Variants in LIG1 observed in about 807,000 individuals in gnomAD.
The protein encoded by LIG1 is DNA ligase 1.
A neutral mutation model predicts 115.7 loss-of-function variants in LIG1; 70 were observed. The observed-to-expected ratio is 0.60, with a 90% CI of 0.50 to 0.74. The LOEUF (loss-of-function observed/expected upper bound fraction) is 0.74, where lower values mean the gene tolerates loss of function less well. Among genes scored for constraint, LIG1 ranks in the 30% least tolerant of loss-of-function variants. The probability of loss-of-function intolerance (pLI) is 0.00; values close to 1 mark genes in which losing one functional copy is unlikely to be tolerated. For missense variants in LIG1, 1,115 were observed against 1,225.6 expected, an observed-to-expected ratio of 0.91 and a Z score of 1.35; for synonymous variants, 487 against 495.3, an observed-to-expected ratio of 0.98 and a Z score of 0.22.
At chr19:48,149,240 T>C (rs2035318943) in intron 9 of LIG1, among the ~76,000 whole-genome samples, 1 of 152,124 alleles carries the variant, frequency 6.6e-6, no homozygotes, top group South Asian at 2.1e-4. Flanking sequence ...GAGGCTGTGG[T>C]GAGCTGAGAC....
rs770405693 is a variant in LIG1, at chr19:48,131,152, C to T, written c.1745G>A (p.Gly582Glu). Residue 582 changes from glycine (G) to glutamate (E), a missense_variant, in exon 19 of 28, where the codon GGG becomes GAG. Coordinates refer to ENST00000263274, the MANE Select transcript of LIG1 (RefSeq NM_000234.3). ...ATTCCTGCTGAAGATCTTCACCTCC[C>T]CGCCTTCCAGGGCGTGGATCTGTCA... Reference protein sequence around the residue: ...QRAQIHALEGGEVKIFSRNQE... With the variant: ...QRAQIHALEGEEVKIFSRNQE... The T allele has an allele frequency of 1.6e-5, 26 of 1,613,966 alleles. No individual in the cohort carries two copies. The highest frequency in any genetic ancestry group is 2.2e-5 in the East Asian group (1 of 44,874).
chr19:48,143,503 A>AGGGGGGGGGGGGGGGGGGG, intron 11 of LIG1, 40 bp downstream of exon 11: 1 of 692,832 alleles, frequency 1.4e-6, no homozygotes, highest in Non-Finnish European at 2.6e-6. Context: ...CAGACCCAGA[A>AGGGGGGGGGGGGGGGGGGG]GCGACCCCGC....
In LIG1 at chr19:48,135,780, C is replaced by G; in HGVS notation, c.1424-1G>C. ...GCATCCACCATGGCTGGTGGGAATT[C>G]TAAGAAAAGACCCACCAGAGGCTTT... is the stretch of plus-strand genomic sequence containing the variant. On this transcript the variant is annotated splice_acceptor_variant, in intron 15 of 27. Transcript: ENST00000263274. LOFTEE classifies it high-confidence loss of function. 1 of 1,613,152 alleles carries G rather than the reference C, an allele frequency of 6.2e-7. No individual in the cohort carries two copies. Among genetic ancestry groups the G allele is most frequent in the Non-Finnish European group, 8.5e-7 (1 of 1,179,098 alleles).
rs1354900304 is a variant in LIG1, at chr19:48,135,545, C to CA, written c.1523+134dup. 1.8e-4 allele frequency: 144 copies of CA among 780,664 alleles called. 1 individual carries two copies. Among genetic ancestry groups the CA allele is most frequent in the South Asian group, 6.5e-4 (48 of 73,710 alleles). The allele number at this position is 780,664 out of a possible 1,614,324, so 48.4% of individuals were successfully genotyped here. Reference sequence around the variant, plus strand: ...TTGTCTAGATCACCACCTCTGCTCTCAGTCACCCCGTGACCGGCACTCGTG... The same window carrying CA: ...TTGTCTAGATCACCACCTCTGCTCTCAAGTCACCCCGTGACCGGCACTCGTG... On this transcript the variant is annotated intron_variant, in intron 16 of 27. Coordinates refer to ENST00000263274, the MANE Select transcript of LIG1 (RefSeq NM_000234.3).
chr19:48,137,705 G>T lies in LIG1; in HGVS notation c.1088-17C>A. 6.2e-7 allele frequency: 1 copy of T among 1,600,624 alleles called. No homozygotes were observed. The highest frequency in any genetic ancestry group is 8.5e-7 in the Non-Finnish European group (1 of 1,179,522). On this transcript the variant is annotated splice_polypyrimidine_tract_variant and intron_variant, in intron 12 of 27. Transcript: ENST00000263274. This position sits in a 1 kb window ranked among gnomAD's most constrained non-coding sequence, Gnocchi z 4.3. The stretch of plus-strand genomic sequence containing the variant: ...GCTGCCGACCTTCAGGGGAGAGCGC[G>T]GGTGGGGGTGTCGAGGGTGACAGTT...
At chr19:48,145,027 C>T (rs1267425922) in intron 9 of LIG1, among the ~76,000 whole-genome samples, 2 of 152,186 alleles carry the variant, frequency 1.3e-5, no homozygotes, top group Non-Finnish European at 1.5e-5. Flanking sequence ...CCTACCTCAG[C>T]TTCTTGAGTA....
intron 21 of LIG1, among the ~76,000 whole-genome samples, chr19:48,124,109 CCA>C (rs1042443592): frequency 6.6e-6 from 1 of 152,156 alleles, no homozygotes; most frequent in Non-Finnish European, 1.5e-5. Context: ...CGGTCCCCAC[CCA>C]CGCGCAGTGT....
At chr19:48,157,276 G>GAGAA in intron 4 of LIG1, 136 bp from the exon 5 acceptor site, 1 of 963,456 alleles carries the variant, frequency 1.0e-6, no homozygotes. Context: ...CTAACTCAGG[G>GAGAA]GTGGCCTCTT....
chr19:48,142,686 C>CA (rs1475512422), intron 11 of LIG1, among the ~76,000 whole-genome samples: 1 of 152,070 alleles, frequency 6.6e-6, no homozygotes, highest in Non-Finnish European at 1.5e-5. Context: ...CTCTGTCACC[C>CA]AGGCTGGAGT....
intron 19 of LIG1, among the ~76,000 whole-genome samples, chr19:48,129,966 G>T (rs1254006266): frequency 6.6e-6 from 1 of 152,112 alleles, no homozygotes; most frequent in Non-Finnish European, 1.5e-5. Context: ...ATGTCAGCCA[G>T]GCTGGTCTTG....
At position 48,170,238 on chromosome 19, in the gene LIG1, T is replaced by G; in HGVS notation, c.-58+3A>C. ...CCATCTGCTTGCGGACGGCCCCACTTGCCTTGCGTTGGTCCCGCGCGCCGC... is the reference window on the plus strand; with the variant it reads ...CCATCTGCTTGCGGACGGCCCCACTGGCCTTGCGTTGGTCCCGCGCGCCGC... On this transcript the variant is annotated splice_donor_region_variant and intron_variant, in intron 1 of 27. Transcript: ENST00000263274. 2.2e-6 allele frequency: 1 copy of G among 455,340 alleles called. No individual in the cohort carries two copies. The highest frequency in any genetic ancestry group is 4.4e-6 in the Non-Finnish European group (1 of 226,478). The allele number at this position is 455,340 out of a possible 1,614,324, so 28.2% of individuals were successfully genotyped here. A position where few individuals can be genotyped will look rare whatever the true frequency, so the allele number is the denominator to read the frequency against.
intron 21 of LIG1, among the ~76,000 whole-genome samples, chr19:48,126,086 T>C (rs569780546): frequency 6.6e-6 from 1 of 151,824 alleles, no homozygotes; most frequent in African/African-American, 2.4e-5. Context: ...CACACCCCTA[T>C]CCCACTGTTT....
chr19:48,162,399 T>C, intron 2 of LIG1, 48 bp from the exon 3 acceptor site: 1 of 1,290,180 alleles, frequency 7.8e-7, no homozygotes, highest in African/African-American at 1.5e-5. Context: ...ACAGCACCAA[T>C]ACCCTGCCTA....
chr19:48,120,197 C>T (rs1263364758), intron 24 of LIG1: 4 of 985,320 alleles, frequency 4.1e-6, no homozygotes, highest in Non-Finnish European at 3.6e-6. Context: ...ACAACTTCCC[C>T]ACACAGCCAC....
chr19:48,133,083 G>C lies in LIG1; in HGVS notation c.1624C>G (p.Pro542Ala). Residue 542 changes from proline (P) to alanine (A), a missense_variant, in exon 18 of 28, where the codon CCA becomes GCA. By Grantham distance (27) the Pro-to-Ala change is conservative (BLOSUM62 -1). Coordinates refer to ENST00000263274, the MANE Select transcript of LIG1 (RefSeq NM_000234.3). Reference protein sequence around the residue: ...CKLSPGIPLKPMLAHPTRGIS... With the variant: ...CKLSPGIPLKAMLAHPTRGIS... The stretch of plus-strand genomic sequence containing the variant: ...CCCCGGGTGGGATGGGCCAACATTG[G>C]TTTCAGGGGAATCCCTGGGAAAGGA... 1 of 1,612,604 alleles carries C rather than the reference G, an allele frequency of 6.2e-7. No homozygotes were observed. Among genetic ancestry groups the C allele is most frequent in the Non-Finnish European group, 8.5e-7 (1 of 1,178,548 alleles).
In LIG1 at chr19:48,151,350, A is replaced by T; in HGVS notation, c.467-11T>A. ...TCGGGGTCTCCTCTTCTGACGATAG[A>T]CAGAACGGTCAGATGGCAAAAAAAT... On this transcript the variant is annotated splice_polypyrimidine_tract_variant and intron_variant, in intron 6 of 27. Transcript: ENST00000263274. The T allele has an allele frequency of 1.9e-6, 3 of 1,543,048 alleles. No homozygotes were observed. The highest frequency in any genetic ancestry group is 2.7e-6 in the Non-Finnish European group (3 of 1,115,218).
At chr19:48,128,950 C>T (rs192842901) in intron 19 of LIG1, among the ~76,000 whole-genome samples, 25 of 151,936 alleles carry the variant, frequency 1.6e-4, no homozygotes, top group Non-Finnish European at 2.9e-4. Flanking sequence ...TTAGTAGAAA[C>T]GGTTTCACCA....
chr19:48,132,947 C>T (rs1410299531), intron 18 of LIG1, 35 bp downstream of exon 18: 2 of 1,478,046 alleles, frequency 1.4e-6, no homozygotes, highest in Admixed American at 1.7e-5. Flanking sequence ...TGACGTTTTC[C>T]TGTCTGTGGA....
chr19:48,155,344 C>T (rs539309816), intron 5 of LIG1, among the ~76,000 whole-genome samples: 20 of 152,300 alleles, frequency 1.3e-4, no homozygotes, highest in Non-Finnish European at 2.4e-4. Flanking sequence ...CTTCCCAGGT[C>T]GCATCCGATT....
Sources: allele counts gnomAD v4.1 joint callset (sites outside exome capture counted in the v4.1 genomes callset), GRCh38; gene constraint gnomAD v4.1.1; non-coding constraint Gnocchi (gnomAD v3.1); transcripts MANE v1.5; gene names NCBI Gene and HGNC (gene_info 2026-07-23, HGNC 2026-07-21).